DENND11: variants seen among roughly 807,000 people sequenced by gnomAD.
DENND11 encodes DENN domain-containing protein 11.
In DENND11, 34 loss-of-function variants were observed where a neutral mutation model predicts 49.2. The ratio of observed to expected loss-of-function variants is 0.69; its 90% CI spans 0.53 to 0.92. DENND11 has a LOEUF of 0.92. Ranked by LOEUF, DENND11 falls within the 40% of genes least tolerant of loss-of-function variation. The pLI, the probability that DENND11 is intolerant of heterozygous loss-of-function variation, is 0.00. For missense variants in DENND11, 475 were observed against 581.6 expected (o/e 0.82, Z 1.88); for synonymous variants, 238 against 230.3 (o/e 1.03, Z -0.30).
chr7:141,692,847 AAAT>A (rs1225664456), intron 1 of DENND11, among the ~76,000 whole-genome samples: 1 of 152,164 alleles, frequency 6.6e-6, no homozygotes, highest in African/African-American at 2.4e-5. Context: ...CCTGTCTCTA[AAAT>A]AATAATAATT....
chr7:141,697,247 G>A (rs1798428056), intron 1 of DENND11, among the ~76,000 whole-genome samples: 2 of 152,198 alleles, frequency 1.3e-5, no homozygotes, highest in African/African-American at 4.8e-5. Context: ...CAGGCACTCA[G>A]GAGGTGGTGG....
At chr7:141,666,493 G>A in intron 4 of DENND11, 68 bp from the exon 5 acceptor site, 2 of 1,393,198 alleles carry the variant, frequency 1.4e-6, no homozygotes, top group Non-Finnish European at 9.6e-7. Context: ...ATAGCAAAAG[G>A]TATCTAATCT....
rs1006022774 is a variant in DENND11, at chr7:141,688,406, T to C, written c.269-1748A>G. ...AGGACATGGTAGATATCATAGAGCA[T>C]TGTCGAATCTCACACTCAACAGCCC... On this transcript the variant is annotated intron_variant, in intron 1 of 8. Coordinates refer to ENST00000536163, the MANE Select transcript of DENND11 (RefSeq NM_001080392.2). Among the ~76,000 whole-genome samples the C allele has an allele frequency of 5.3e-5, 8 of 152,352 alleles. No individual in the cohort carries two copies. The South Asian group carries it at 1.4e-3, about 28-fold the overall frequency.
intron 1 of DENND11, among the ~76,000 whole-genome samples, chr7:141,693,909 C>T (rs1798367438): frequency 6.6e-6 from 1 of 152,224 alleles, no homozygotes; most frequent in East Asian, 1.9e-4. Flanking sequence ...TACATAACAT[C>T]GTGCATGTTT....
intron 4 of DENND11, among the ~76,000 whole-genome samples, chr7:141,673,077 C>T (rs1587210684): frequency 2.0e-5 from 3 of 152,096 alleles, no homozygotes; most frequent in South Asian, 4.1e-4. Flanking sequence ...TGCATTTTTC[C>T]GTGTCCACAT....
chr7:141,668,995 G>C (rs1797936053), intron 4 of DENND11, among the ~76,000 whole-genome samples: 1 of 152,040 alleles, frequency 6.6e-6, no homozygotes. Context: ...ACCACTGTCA[G>C]TTCAGTGTCC....
rs1798529121 is a variant in DENND11 at position 141,701,994 on chromosome 7, C to T, written c.160G>A (p.Glu54Lys). The change falls in exon 1 of 9, where the codon GAG becomes AAG. Residue 54 changes from glutamate to lysine, a missense_variant. Physicochemically the swap from Glu to Lys is moderately conservative, Grantham distance 56. Coordinates refer to ENST00000536163, the MANE Select transcript of DENND11 (RefSeq NM_001080392.2). ...AEPPRRREPEEPAAPEVLLQP... is the reference protein window; with the variant it reads ...AEPPRRREPEKPAAPEVLLQP... ...AGCAGCACCTCCGGGGCGGCCGGCT[C>T]CTCGGGCTCCCGCCTCCGGGGCGGC... is the stretch of plus-strand genomic sequence containing the variant. 7 of 1,141,488 alleles carry T rather than the reference C, an allele frequency of 6.1e-6. No homozygotes were observed. The highest frequency in any genetic ancestry group is 7.5e-6 in the Non-Finnish European group (7 of 930,558). 70.7% of individuals were successfully genotyped at this position (1,141,488 alleles called of 1,614,324 possible). A position where few individuals can be genotyped will look rare whatever the true frequency, so the allele number is the denominator to read the frequency against.
At chr7:141,678,081 C>CT (rs1284121602) in intron 3 of DENND11, among the ~76,000 whole-genome samples, 1 of 152,024 alleles carries the variant, frequency 6.6e-6, no homozygotes, top group Non-Finnish European at 1.5e-5. Flanking sequence ...CCTGCCTCAG[C>CT]TTCCCGAGTA....
At chr7:141,685,944 A>G (rs1307195814) in intron 2 of DENND11, among the ~76,000 whole-genome samples, 1 of 152,128 alleles carries the variant, frequency 6.6e-6, no homozygotes, top group East Asian at 1.9e-4. Context: ...CAGAACCAAC[A>G]TTCCTCTTCA....
intron 7 of DENND11, 93 bp downstream of exon 7, chr7:141,664,811 G>T (rs914360147): frequency 7.4e-7 from 1 of 1,352,376 alleles, no homozygotes. Flanking sequence ...AATGTGTCAG[G>T]GAAGGGGCAG....
chr7:141,684,765 G>T (rs73171613), intron 3 of DENND11, among the ~76,000 whole-genome samples: 1 of 151,854 alleles, frequency 6.6e-6, no homozygotes, highest in East Asian at 1.9e-4. Context: ...GTAACATTTT[G>T]TCAGTGCTTC....
Position 141,701,991 on chromosome 7 carries a change from G to C in DENND11, c.163C>G (p.Pro55Ala), listed in dbSNP as rs1464640260. The change falls in exon 1 of 9, where the codon CCG becomes GCG. Residue 55 changes from proline to alanine, a missense_variant. Transcript: ENST00000536163. ...EPPRRREPEE[P>A]AAPEVLLQPG... ...TGCAGCAGCACCTCCGGGGCGGCCG[G>C]CTCCTCGGGCTCCCGCCTCCGGGGC... 6 of 1,144,152 alleles carry C rather than the reference G, an allele frequency of 5.2e-6. No homozygotes were observed. Among genetic ancestry groups the C allele is most frequent in the Non-Finnish European group, 6.4e-6 (6 of 932,230 alleles). The allele number at this position is 1,144,152 out of a possible 1,614,324, so 70.9% of individuals were successfully genotyped here.
Position 141,686,628 on chromosome 7 carries a change from T to C in DENND11, c.299A>G (p.Asp100Gly), listed in dbSNP as rs773926127. The change falls in exon 2 of 9, where the codon GAT becomes GGT. Residue 100 changes from aspartate to glycine, a missense_variant. Coordinates refer to ENST00000536163, the MANE Select transcript of DENND11 (RefSeq NM_001080392.2). ...GAACTCAACACCTTCAAGGTCAATA[T>C]CTTGAGGTAAGCACCATTCTACCAT... ...GNMVEWCLPQ[D>G]IDLEGVEFKS... The C allele has an allele frequency of 6.2e-7, 1 of 1,612,694 alleles. No individual in the cohort carries two copies. Among genetic ancestry groups the C allele is most frequent in the Non-Finnish European group, 8.5e-7 (1 of 1,179,110 alleles).
At chr7:141,695,213 CTA>C (rs1381208650) in intron 1 of DENND11, among the ~76,000 whole-genome samples, 2 of 151,866 alleles carry the variant, frequency 1.3e-5, no homozygotes, top group Admixed American at 1.3e-4. Context: ...GGGGATATGA[CTA>C]TGTAAGAATA....
intron 3 of DENND11, among the ~76,000 whole-genome samples, chr7:141,678,701 A>G (rs904413624): frequency 7.2e-5 from 11 of 152,226 alleles, no homozygotes; most frequent in Admixed American, 3.3e-4. Flanking sequence ...GTCTGTTTAA[A>G]TAACGTAACA....
rs1321449434 is a variant in DENND11, at chr7:141,674,115, A to C, written c.633T>G (p.Pro211=). Residue 211 remains proline, a synonymous_variant, in exon 4 of 9, where the codon CCT becomes CCG. Coordinates refer to ENST00000536163, the MANE Select transcript of DENND11 (RefSeq NM_001080392.2). ...GGTGGATGGAAGGCAGCCAGTAGAC[A>C]GGGGGCAGGCTGCTGCCTCTGCCGG... ...AGPGRGSSLP[P]VYWLPSIHRY... The C allele has an allele frequency of 6.2e-7, 1 of 1,600,868 alleles. No individual in the cohort carries two copies.
At chr7:141,686,249 TCA>T (rs1798240888) in intron 2 of DENND11, among the ~76,000 whole-genome samples, 1 of 152,182 alleles carries the variant, frequency 6.6e-6, no homozygotes, top group African/African-American at 2.4e-5. Context: ...CTCAGTTAAC[TCA>T]CACGGGGCTG....
intron 2 of DENND11, 45 bp downstream of exon 2, chr7:141,686,514 G>T: frequency 8.0e-7 from 1 of 1,250,912 alleles, no homozygotes; most frequent in Non-Finnish European, 1.2e-6. Context: ...AAGTGTGGAG[G>T]TGGGGGGAAT....
chr7:141,662,855 C>T lies in DENND11; in HGVS notation c.1173-4G>A. The T allele has an allele frequency of 6.5e-7, 1 of 1,532,772 alleles. No individual in the cohort carries two copies. Among genetic ancestry groups the T allele is most frequent in the Non-Finnish European group, 8.8e-7 (1 of 1,138,354 alleles). The allele number at this position is 1,532,772 out of a possible 1,614,324, so 94.9% of individuals were successfully genotyped here. On this transcript the variant is annotated splice_polypyrimidine_tract_variant and splice_region_variant and intron_variant, in intron 8 of 8. Coordinates refer to ENST00000536163, the MANE Select transcript of DENND11 (RefSeq NM_001080392.2). ...GTTGTTTTGTTCTAGGAAAAACCTG[C>T]ATTTGGAAGACAAGACACAGGAAAG...
Sources: gnomAD v4.1 joint callset for allele counts (sites outside exome capture counted in the v4.1 genomes callset) on GRCh38, gnomAD v4.1.1 for gene constraint, MANE v1.5 for transcripts, NCBI Gene and HGNC (gene_info 2026-07-23, HGNC 2026-07-21) for gene names.